Variants in CLPTM1L observed in about 807,000 individuals in gnomAD.
The protein encoded by CLPTM1L is lipid scramblase CLPTM1L.
A neutral mutation model predicts 70.9 loss-of-function variants in CLPTM1L; 38 were observed. That is an observed-to-expected ratio of 0.54 (90% CI 0.41 to 0.70). The LOEUF (loss-of-function observed/expected upper bound fraction) is 0.70, where lower values mean the gene tolerates loss of function less well. Ranked by LOEUF, CLPTM1L falls within the 30% of genes least tolerant of loss-of-function variation. CLPTM1L has a pLI of 0.00. For missense variants in CLPTM1L, 652 were observed against 705.9 expected (o/e 0.92, Z 0.87); for synonymous variants, 339 against 299.9 (o/e 1.13, Z -1.35).
intron 11 of CLPTM1L, 40 bp downstream of exon 11, chr5:1,324,723 T>C (rs751077564): frequency 1.3e-6 from 2 of 1,586,192 alleles, no homozygotes; most frequent in South Asian, 2.2e-5. Context: ...GGTGTTGGAT[T>C]TGCCTGGCAT....
At chr5:1,332,032 T>C (rs2111230395) in intron 7 of CLPTM1L, 149 bp from the exon 8 acceptor site, 2 of 673,828 alleles carry the variant, frequency 3.0e-6, no homozygotes, top group South Asian at 1.8e-5. Flanking sequence ...TCGGGACCCA[T>C]GCCTCTACGC....
chr5:1,344,436 T>C lies in CLPTM1L; in HGVS notation c.178A>G (p.Thr60Ala), dbSNP rs1434981361. ...RPKLQLSVYT[T>A]TRSHLGAENN... Reference sequence around the variant, plus strand: ...TCAGCACCCAGGTGGGACCTCGTCGTGGTGTACACGCTCAGCTGGAAAGGA... The same window carrying C: ...TCAGCACCCAGGTGGGACCTCGTCGCGGTGTACACGCTCAGCTGGAAAGGA... Residue 60 changes from threonine to alanine, a missense_variant, in exon 2 of 17, where the codon ACG (threonine) becomes GCG (alanine). Thr to Ala is a moderately conservative substitution (Grantham distance 58). This residue lies in a region of CLPTM1L where 402 missense variants were observed against 388.2 expected (regional missense o/e 1.04). Coordinates refer to ENST00000320895, the MANE Select transcript of CLPTM1L (RefSeq NM_030782.5). 6.2e-7 allele frequency: 1 copy of C among 1,613,504 alleles called. No individual in the cohort carries two copies. Among genetic ancestry groups the C allele is most frequent in the Non-Finnish European group, 8.5e-7 (1 of 1,179,780 alleles).
At chr5:1,319,796 G>A (rs1437313513) in intron 16 of CLPTM1L, among the ~76,000 whole-genome samples, 1 of 152,202 alleles carries the variant, frequency 6.6e-6, no homozygotes, top group Non-Finnish European at 1.5e-5. Flanking sequence ...AGGTCTTGGG[G>A]GTGACACACA....
Position 1,330,263 on chromosome 5 carries a change from C to G in CLPTM1L, c.1080+17G>C. The G allele has an allele frequency of 3.7e-6, 6 of 1,608,696 alleles. No homozygotes were observed. Among genetic ancestry groups the G allele is most frequent in the African/African-American group, 2.7e-5 (2 of 74,964 alleles). On this transcript the variant is annotated intron_variant, in intron 9 of 16. Coordinates refer to ENST00000320895, the MANE Select transcript of CLPTM1L (RefSeq NM_030782.5). ...CACATGGACCTCAGACAGTTCAGGT[C>G]ACTGCCCGGAACTCACCTCAATGGC...
intron 9 of CLPTM1L, 147 bp downstream of exon 9, chr5:1,330,133 C>T: frequency 5.8e-6 from 4 of 684,376 alleles, no homozygotes; most frequent in East Asian, 5.2e-5. Context: ...CACTGCCTGC[C>T]ATCCTACAGC....
intron 16 of CLPTM1L, among the ~76,000 whole-genome samples, chr5:1,319,983 A>G (rs2126716073): frequency 6.6e-6 from 1 of 152,322 alleles, no homozygotes; most frequent in African/African-American, 2.4e-5. Flanking sequence ...CCTGGAGGGA[A>G]GCGGGAGGCC....
At position 1,331,900 on chromosome 5, in the gene CLPTM1L, C is replaced by A. The variant is rs767673923; in HGVS notation, c.892-17G>T. On this transcript the variant is annotated splice_polypyrimidine_tract_variant and intron_variant, in intron 7 of 16. Coordinates refer to ENST00000320895, the MANE Select transcript of CLPTM1L (RefSeq NM_030782.5). ...AAAGAGAAGCTAGAGAGAACACACA[C>A]GACAGCAACTCACATCTCCTGCTGT... 5.6e-6 allele frequency: 9 copies of A among 1,602,378 alleles called. No individual in the cohort carries two copies. Among genetic ancestry groups the A allele is most frequent in the East Asian group, 2.2e-5 (1 of 44,836 alleles).
chr5:1,335,109 C>T lies in CLPTM1L; in HGVS notation c.744G>A (p.Arg248=). ...TVSYDKVSLG[R]LRFWIHMQDA... is the part of the protein sequence containing the mutation. ...CCTGCATGTGGATCCAGAAGCGCAG[C>T]CGCCCCAGTGAGACCTTGTCGTAGG... Residue 248 remains arginine, a synonymous_variant, in exon 6 of 17, where the codon CGG becomes CGA. Transcript: ENST00000320895. 1 of 1,613,676 alleles carries T rather than the reference C, an allele frequency of 6.2e-7. No individual in the cohort carries two copies. The highest frequency in any genetic ancestry group is 2.2e-5 in the East Asian group (1 of 44,886).
Position 1,318,682 on chromosome 5 carries a change from T to C in CLPTM1L, c.1533-229A>G, listed in dbSNP as rs148487301. 0.017 allele frequency among the ~76,000 whole-genome samples: 2,604 copies of C among 152,240 alleles called. 37 individuals are homozygous for C. The highest frequency in any genetic ancestry group is 0.026 in the Non-Finnish European group (1,772 of 68,006). Reference sequence around the variant, plus strand: ...GTGCTGCTCTCAAGGAAAGGGAAGCTTGGCCGAAGGGACGACCCGGAGGCT... The same window carrying C: ...GTGCTGCTCTCAAGGAAAGGGAAGCCTGGCCGAAGGGACGACCCGGAGGCT... On this transcript the variant is annotated intron_variant, in intron 16 of 16. Coordinates refer to ENST00000320895, the MANE Select transcript of CLPTM1L (RefSeq NM_030782.5). The surrounding 1 kb of genome is among the most constrained non-coding windows in gnomAD (Gnocchi z 8.9).
chr5:1,338,861 TCTTCATGTA>T lies in CLPTM1L; in HGVS notation c.589_597del (p.Tyr197_Lys199del). 1.2e-6 allele frequency: 2 copies of T among 1,613,188 alleles called. No individual in the cohort carries two copies. The highest frequency in any genetic ancestry group is 1.7e-6 in the Non-Finnish European group (2 of 1,180,000). ...CTCCAGCTCTGGGGCCCCACTTACA[TCTTCATGTA>T]CCGATGCACATCGGCAGGCAGGGAG... On this transcript the variant is annotated inframe_deletion and splice_region_variant, in exon 4 of 17. Coordinates refer to ENST00000320895, the MANE Select transcript of CLPTM1L (RefSeq NM_030782.5).
At chr5:1,338,037 G>C in intron 4 of CLPTM1L, 55 bp from the exon 5 acceptor site, 1 of 1,388,332 alleles carries the variant, frequency 7.2e-7, no homozygotes, top group Non-Finnish European at 1.0e-6. Context: ...ACCTTTCAAT[G>C]AATGAACACA....
chr5:1,332,621 G>A (rs902236582), intron 7 of CLPTM1L, among the ~76,000 whole-genome samples: 2 of 152,172 alleles, frequency 1.3e-5, no homozygotes, highest in Non-Finnish European at 2.9e-5. Context: ...GAGCACAGCA[G>A]CCTTGCTTTA....
At chr5:1,333,765 C>T (rs62329726) in intron 7 of CLPTM1L, among the ~76,000 whole-genome samples, 3 of 31,246 alleles carry the variant, frequency 9.6e-5, no homozygotes, top group Non-Finnish European at 1.5e-4. Flanking sequence ...GTATACACAC[C>T]GGATGAGGAT....
At chr5:1,324,322 T>C (rs1253712056) in intron 11 of CLPTM1L, among the ~76,000 whole-genome samples, 1 of 152,240 alleles carries the variant, frequency 6.6e-6, no homozygotes, top group Non-Finnish European at 1.5e-5. Context: ...TTCTATTAAC[T>C]GGAACTGAGA....
intron 16 of CLPTM1L, among the ~76,000 whole-genome samples, chr5:1,319,264 CGTGTGA>C (rs953609103): frequency 9.6e-5 from 14 of 145,078 alleles, no homozygotes; most frequent in African/African-American, 2.8e-4. Flanking sequence ...AACCAAGCCC[CGTGTGA>C]GTGTGAGTGT....
intron 13 of CLPTM1L, among the ~76,000 whole-genome samples, chr5:1,322,609 A>G (rs1451856400): frequency 6.6e-6 from 1 of 152,230 alleles, no homozygotes; most frequent in Admixed American, 6.5e-5. Context: ...CCTGGCGTGG[A>G]GGGGCTGCCA....
At chr5:1,327,153 C>T in intron 9 of CLPTM1L, among the ~76,000 whole-genome samples, 1 of 150,950 alleles carries the variant, frequency 6.6e-6, no homozygotes, top group Admixed American at 6.6e-5. Flanking sequence ...TCATCCAGCT[C>T]CTCCTCTACA....
Position 1,339,013 on chromosome 5 carries a change from G to GT in CLPTM1L, c.454-9dup. The GT allele has an allele frequency of 6.2e-7, 1 of 1,611,622 alleles. No individual in the cohort carries two copies. On this transcript the variant is annotated splice_polypyrimidine_tract_variant and intron_variant, in intron 3 of 16. Coordinates refer to ENST00000320895, the MANE Select transcript of CLPTM1L (RefSeq NM_030782.5). The stretch of plus-strand genomic sequence containing the variant: ...CTTCTCCGCCTCGATCTGCTGTTAA[G>GT]TGAGGAAAACAGAGGCCAATGCTGG...
intron 2 of CLPTM1L, among the ~76,000 whole-genome samples, chr5:1,343,634 T>G (rs1754087662): frequency 1.3e-5 from 2 of 152,130 alleles, no homozygotes; most frequent in Non-Finnish European, 2.9e-5. Flanking sequence ...GGAACTGGCT[T>G]GAGGTCACAG....
Sources: allele counts gnomAD v4.1 joint callset (sites outside exome capture counted in the v4.1 genomes callset), GRCh38; gene constraint gnomAD v4.1.1; regional missense constraint gnomAD v4.1.1; non-coding constraint Gnocchi (gnomAD v3.1); transcripts MANE v1.5; gene names NCBI Gene and HGNC (gene_info 2026-07-23, HGNC 2026-07-21).